Variants in CA8 observed in about 807,000 individuals in gnomAD.
The protein encoded by CA8 is carbonic anhydrase-related protein.
In CA8, 22 loss-of-function variants were observed where a neutral mutation model predicts 41.4. That is an observed-to-expected ratio of 0.53 (90% CI 0.38 to 0.76). The LOEUF is 0.76. CA8 is among the 30% of genes least tolerant of loss of function. The pLI is 0.00. For missense variants in CA8, 270 were observed against 352.8 expected, an observed-to-expected ratio of 0.77 and a Z score of 1.88; for synonymous variants, 121 against 130.6, an observed-to-expected ratio of 0.93 and a Z score of 0.50.
intron 3 of CA8, among the ~76,000 whole-genome samples, chr8:60,249,357 A>G (rs907560783): frequency 3.9e-5 from 6 of 152,220 alleles, no homozygotes; most frequent in African/African-American, 1.2e-4. Context: ...GTGAGAGGAA[A>G]TATTTCCTAC....
chr8:60,227,124 T>C (rs1372903885), intron 4 of CA8, among the ~76,000 whole-genome samples, 189 bp from the exon 5 acceptor site: 1 of 152,110 alleles, frequency 6.6e-6, no homozygotes, highest in Admixed American at 6.6e-5. Flanking sequence ...ACCCTGTCTC[T>C]ACTAAAAATG....
intron 8 of CA8, among the ~76,000 whole-genome samples, chr8:60,205,036 C>T (rs1307626712): frequency 1.3e-5 from 2 of 152,090 alleles, no homozygotes; most frequent in Non-Finnish European, 2.9e-5. Context: ...CGCAAAAGTA[C>T]AAGTAGGGAA....
chr8:60,278,235 T>G (rs572307001), intron 2 of CA8, among the ~76,000 whole-genome samples: 3 of 152,310 alleles, frequency 2.0e-5, no homozygotes, highest in South Asian at 4.1e-4. Context: ...ATGTGCTTAG[T>G]CATTGCTCTC....
chr8:60,256,599 AC>A (rs1808648280), intron 3 of CA8, among the ~76,000 whole-genome samples: 1 of 151,022 alleles, frequency 6.6e-6, no homozygotes, highest in Non-Finnish European at 1.5e-5. Context: ...CCAGAAAAAA[AC>A]AAAAAAAAGC....
intron 3 of CA8, among the ~76,000 whole-genome samples, chr8:60,247,709 T>C (rs984028465): frequency 2.0e-5 from 3 of 152,230 alleles, no homozygotes; most frequent in African/African-American, 4.8e-5. Context: ...TGCACTGTAA[T>C]AAACACATGT....
chr8:60,197,323 A>G (rs1806308704), intron 8 of CA8, among the ~76,000 whole-genome samples: 1 of 152,184 alleles, frequency 6.6e-6, no homozygotes, highest in Non-Finnish European at 1.5e-5. Context: ...GTATAATCTC[A>G]TAAGATACAT....
In CA8 at chr8:60,250,763, T is replaced by C. The variant is rs529010371; in HGVS notation, c.417+15162A>G. Among the ~76,000 whole-genome samples the C allele has an allele frequency of 1.9e-4, 29 of 152,298 alleles. No individual in the cohort carries two copies. The South Asian group carries it at 4.8e-3, about 25-fold the overall frequency. ...ACACAGAAGACATTCAATAAATATT[T>C]AGTGAATAAAATAAATTTCATAACT... On this transcript the variant is annotated intron_variant, in intron 3 of 8. Transcript: ENST00000317995.
At chr8:60,242,375 C>T (rs1419414790) in intron 3 of CA8, among the ~76,000 whole-genome samples, 4 of 152,156 alleles carry the variant, frequency 2.6e-5, no homozygotes, top group Admixed American at 2.6e-4. Flanking sequence ...AGTGAAGTAA[C>T]CTGCCCAGGA....
chr8:60,248,479 C>G (rs6987786), intron 3 of CA8, among the ~76,000 whole-genome samples: 72,002 of 152,006 alleles, frequency 0.47, 19,792 homozygotes, highest in African/African-American at 0.77. Context: ...TGGCTAGCCA[C>G]TTTTCCCAGC....
At chr8:60,273,675 A>C (rs1804140458) in intron 2 of CA8, among the ~76,000 whole-genome samples, 1 of 152,230 alleles carries the variant, frequency 6.6e-6, no homozygotes, top group African/African-American at 2.4e-5. Context: ...GTGTCAGGGA[A>C]CTGTGTGGCC....
chr8:60,214,752 C>T (rs1806956829), intron 7 of CA8, among the ~76,000 whole-genome samples: 1 of 152,010 alleles, frequency 6.6e-6, no homozygotes, highest in Admixed American at 6.5e-5. Flanking sequence ...TTCCAACCCA[C>T]AGGAAACATG....
intron 3 of CA8, among the ~76,000 whole-genome samples, chr8:60,250,771 A>C (rs1213510340): frequency 1.3e-5 from 2 of 152,212 alleles, no homozygotes; most frequent in African/African-American, 2.4e-5. Flanking sequence ...TTTAGTGAAT[A>C]AAATAAATTT....
intron 1 of CA8, 152 bp downstream of exon 1, chr8:60,280,896 C>T: frequency 4.4e-6 from 3 of 677,900 alleles, no homozygotes; most frequent in Non-Finnish European, 7.9e-6. Flanking sequence ...CGAAACGCAC[C>T]AGGGGAGTGG....
intron 7 of CA8, among the ~76,000 whole-genome samples, chr8:60,215,461 T>C (rs914444655): frequency 6.6e-6 from 1 of 151,502 alleles, no homozygotes; most frequent in Non-Finnish European, 1.5e-5. Flanking sequence ...TTGGGTTCAG[T>C]GTATACTGCT....
chr8:60,226,786 CCTT>C (rs1807454914), intron 5 of CA8, 84 bp downstream of exon 5: 2 of 750,844 alleles, frequency 2.7e-6, no homozygotes, highest in East Asian at 5.3e-5. Flanking sequence ...ATCTGTGAGT[CCTT>C]CTAACACAGC....
intron 8 of CA8, among the ~76,000 whole-genome samples, chr8:60,190,943 T>TAC: frequency 7.9e-6 from 1 of 125,904 alleles, no homozygotes; most frequent in Non-Finnish European, 1.7e-5. Flanking sequence ...ACACACTATA[T>TAC]ATATATATAT....
At chr8:60,249,161 A>T (rs151330855) in intron 3 of CA8, among the ~76,000 whole-genome samples, 324 of 152,226 alleles carry the variant, frequency 2.1e-3, no homozygotes, top group Non-Finnish European at 3.6e-3. Context: ...TTAACCATTA[A>T]TTTGTGAGGA....
Position 60,188,285 on chromosome 8 carries a change from GA to G in CA8, c.*1735del, listed in dbSNP as rs1459881859. ...ATTTGTTTATTTTGTGTATTTCAGG[GA>G]AAGATGAAAGAAGATTGCAAGAAGC... On this transcript the variant is annotated 3_prime_UTR_variant, in exon 9 of 9. Coordinates refer to ENST00000317995, the MANE Select transcript of CA8 (RefSeq NM_004056.6). 6.6e-6 allele frequency: 1 copy of G among 152,128 alleles called. No individual in the cohort carries two copies. Among genetic ancestry groups the G allele is most frequent in the Non-Finnish European group, 1.5e-5 (1 of 68,022 alleles). The allele number at this position is 152,128 out of a possible 1,614,324, so 9.4% of individuals were successfully genotyped here.
intron 6 of CA8, 100 bp from the exon 7 acceptor site, chr8:60,222,861 A>T (rs1807299810): frequency 1.3e-6 from 1 of 756,016 alleles, no homozygotes; most frequent in Admixed American, 2.0e-5. Flanking sequence ...TGTCCAAATG[A>T]TGCTTCTAAG....
Sources: gnomAD v4.1 joint callset for allele counts (sites outside exome capture counted in the v4.1 genomes callset) on GRCh38, gnomAD v4.1.1 for gene constraint, MANE v1.5 for transcripts, NCBI Gene and HGNC (gene_info 2026-07-23, HGNC 2026-07-21) for gene names.